The following TTC28 variants were observed in gnomAD, a reference collection of about 807,000 sequenced individuals.
TTC28 encodes tetratricopeptide repeat protein 28.
A neutral mutation model predicts 198.0 loss-of-function variants in TTC28; 61 were observed. The ratio of observed to expected loss-of-function variants is 0.31; its 90% CI spans 0.25 to 0.38. TTC28 has a LOEUF of 0.38. Among genes scored for constraint, TTC28 ranks in the 10% least tolerant of loss-of-function variants. The pLI, the probability that TTC28 is intolerant of heterozygous loss-of-function variation, is 1.00. For missense variants in TTC28, 2,678 were observed against 3,164.0 expected (o/e 0.85, Z 3.69); for synonymous variants, 1,171 against 1,297.8 (o/e 0.90, Z 2.10).
intron 5 of TTC28, among the ~76,000 whole-genome samples, chr22:28,272,085 C>G (rs531226721): frequency 1.3e-5 from 2 of 152,242 alleles, no homozygotes; most frequent in South Asian, 4.1e-4. Flanking sequence ...ATGTCTTCAT[C>G]AGCAGTGTGA....
At chr22:28,643,514 A>G (rs888987472) in intron 1 of TTC28, among the ~76,000 whole-genome samples, 2 of 152,350 alleles carry the variant, frequency 1.3e-5, no homozygotes, top group East Asian at 1.9e-4. Context: ...ACGTTTCCTT[A>G]AAATTATCTT....
chr22:28,629,900 G>A, intron 1 of TTC28, 70 bp from the exon 2 acceptor site: 2 of 1,355,468 alleles, frequency 1.5e-6, no homozygotes, highest in Non-Finnish European at 2.0e-6. Flanking sequence ...GCTAAGATTT[G>A]GATGTCTGTC....
rs189986641 is a variant in TTC28, at chr22:28,419,281, C to T, written c.382-112638G>A. On this transcript the variant is annotated intron_variant, in intron 2 of 22. Transcript: ENST00000397906. The stretch of plus-strand genomic sequence containing the variant: ...TAAGATACTATCTTTTCCAAGAAGT[C>T]TTCTCTGATTCCTCAAGCAGGAATT... Among the ~76,000 whole-genome samples, 131 of 152,252 alleles carry T rather than the reference C, an allele frequency of 8.6e-4. 1 individual carries two copies. Among genetic ancestry groups the T allele is most frequent in the Middle Eastern group, 6.8e-3 (2 of 294 alleles).
At chr22:28,051,308 T>C (rs903445051) in intron 12 of TTC28, among the ~76,000 whole-genome samples, 1 of 152,224 alleles carries the variant, frequency 6.6e-6, no homozygotes, top group Non-Finnish European at 1.5e-5. Flanking sequence ...ATATTTGTTA[T>C]TGTCTAAATT....
At position 27,980,903 on chromosome 22, in the gene TTC28, C is replaced by T. The variant is rs1262940612; in HGVS notation, c.*1318G>A. 2 of 152,262 alleles carry T rather than the reference C, an allele frequency of 1.3e-5. No individual in the cohort carries two copies. The highest frequency in any genetic ancestry group is 4.8e-5 in the African/African-American group (2 of 41,458). 9.4% of individuals were successfully genotyped at this position (152,262 alleles called of 1,614,324 possible). On this transcript the variant is annotated 3_prime_UTR_variant, in exon 23 of 23. Coordinates refer to ENST00000397906, the MANE Select transcript of TTC28 (RefSeq NM_001145418.2). ...AAGTCCACCTCCACTTTTTAAGATA[C>T]ATCTCTCTCTTCCCGGTTGGCCATA... is the stretch of plus-strand genomic sequence containing the variant.
intron 12 of TTC28, among the ~76,000 whole-genome samples, chr22:28,050,932 T>A (rs1940064975): frequency 6.6e-6 from 1 of 152,146 alleles, no homozygotes; most frequent in Non-Finnish European, 1.5e-5. Flanking sequence ...GGAGGGGGTG[T>A]GTGGTAGCTT....
intron 2 of TTC28, among the ~76,000 whole-genome samples, chr22:28,456,108 G>A (rs1199200574): frequency 2.0e-5 from 3 of 149,716 alleles, no homozygotes; most frequent in East Asian, 4.0e-4. Flanking sequence ...GCAGTGAGCC[G>A]AGATTGCACC....
At chr22:28,047,123 G>A (rs914168492) in intron 12 of TTC28, among the ~76,000 whole-genome samples, 1 of 152,176 alleles carries the variant, frequency 6.6e-6, no homozygotes, top group Non-Finnish European at 1.5e-5. Flanking sequence ...GAGGAGTGAG[G>A]GGGCACCATG....
chr22:28,295,615 T>C (rs1025944341), intron 5 of TTC28, among the ~76,000 whole-genome samples: 20 of 152,210 alleles, frequency 1.3e-4, no homozygotes, highest in Admixed American at 3.9e-4. Flanking sequence ...TGGGCCTATC[T>C]GACACCAAAC....
At chr22:28,520,469 G>A (rs1366620856) in intron 2 of TTC28, among the ~76,000 whole-genome samples, 10 of 152,190 alleles carry the variant, frequency 6.6e-5, no homozygotes, top group Non-Finnish European at 1.5e-4. Flanking sequence ...AGATCATCCA[G>A]TTAGGTCAAA....
chr22:28,058,612 A>ATTAGCAAAT (rs1569112292), intron 12 of TTC28, among the ~76,000 whole-genome samples: 1 of 152,042 alleles, frequency 6.6e-6, no homozygotes, highest in Non-Finnish European at 1.5e-5. Flanking sequence ...AGGTTTTGGT[A>ATTAGCAAAT]TTAGGGTTAT....
At chr22:28,001,851 G>A (rs995702883) in intron 14 of TTC28, 10 of 400,508 alleles carry the variant, frequency 2.5e-5, no homozygotes, top group African/African-American at 5.9e-5. Context: ...GTTGGAGACC[G>A]GTCTGTACCG....
intron 2 of TTC28, among the ~76,000 whole-genome samples, chr22:28,374,434 A>G (rs2146001382): frequency 6.6e-6 from 1 of 152,306 alleles, no homozygotes; most frequent in African/African-American, 2.4e-5. Flanking sequence ...GAAAAAATAT[A>G]AAGTCCATTG....
intron 5 of TTC28, among the ~76,000 whole-genome samples, chr22:28,288,437 T>C (rs2044727522): frequency 6.6e-6 from 1 of 152,294 alleles, no homozygotes; most frequent in East Asian, 1.9e-4. Flanking sequence ...TCAAAAGATA[T>C]TCACAAAAAT....
At chr22:28,526,866 C>T (rs1417107105) in intron 2 of TTC28, among the ~76,000 whole-genome samples, 1 of 152,060 alleles carries the variant, frequency 6.6e-6, no homozygotes, top group African/African-American at 2.4e-5. Context: ...AAGTGATTCT[C>T]CTGCCTCAGC....
intron 6 of TTC28, among the ~76,000 whole-genome samples, chr22:28,109,095 A>G (rs1942409601): frequency 6.6e-6 from 1 of 152,244 alleles, no homozygotes; most frequent in African/African-American, 2.4e-5. Context: ...CTCGAGGGAA[A>G]GTATCCTAAG....
chr22:28,210,019 C>A (rs1232580759), intron 5 of TTC28, among the ~76,000 whole-genome samples: 2 of 152,182 alleles, frequency 1.3e-5, no homozygotes, highest in African/African-American at 4.8e-5. Flanking sequence ...GATACCCTGG[C>A]AAACAGGGTC....
intron 2 of TTC28, among the ~76,000 whole-genome samples, chr22:28,450,933 T>A (rs2047769120): frequency 1.3e-5 from 2 of 152,152 alleles, no homozygotes; most frequent in Admixed American, 6.5e-5. Flanking sequence ...CCTTCCAGAC[T>A]ACAGGGCAGG....
chr22:28,170,250 G>A (rs567329635), intron 5 of TTC28, among the ~76,000 whole-genome samples: 6 of 152,222 alleles, frequency 3.9e-5, no homozygotes, highest in Admixed American at 1.3e-4. Context: ...CACTTTGGAA[G>A]GCTGAGGCAG....
Sources: gnomAD v4.1 joint callset for allele counts (sites outside exome capture counted in the v4.1 genomes callset) on GRCh38, gnomAD v4.1.1 for gene constraint, MANE v1.5 for transcripts, NCBI Gene and HGNC (gene_info 2026-07-23, HGNC 2026-07-21) for gene names.